ZNF777: variants seen among roughly 807,000 people sequenced by gnomAD.
The protein encoded by ZNF777 is zinc finger protein 777.
Under a neutral mutation model 72.1 loss-of-function variants are expected in ZNF777, and 7 were observed. The ratio of observed to expected loss-of-function variants is 0.10; its 90% CI spans 0.06 to 0.18. ZNF777 has a LOEUF of 0.18. ZNF777 is among the 10% of genes least tolerant of loss of function. ZNF777 has a pLI of 1.00. For synonymous variants in ZNF777, 545 were observed against 483.5 expected (o/e 1.13, Z -1.67); for missense variants, 828 against 1,128.6 (o/e 0.73, Z 3.82).
chr7:149,439,430 G>A (rs1000464735), intron 4 of ZNF777, among the ~76,000 whole-genome samples: 1 of 152,056 alleles, frequency 6.6e-6, no homozygotes, highest in African/African-American at 2.4e-5. Context: ...TGTAATTTCT[G>A]GAGTATTGTA....
chr7:149,440,444 CAACCTCCTGGCTCA>C (rs1423378184), intron 4 of ZNF777, among the ~76,000 whole-genome samples: 3 of 152,050 alleles, frequency 2.0e-5, no homozygotes, highest in Admixed American at 6.6e-5. Context: ...ACTGCAGCCT[CAACCTCCTGGCTCA>C]AACCACCTGC....
rs1799813894 is a variant in ZNF777 at position 149,455,692 on chromosome 7, C to A, written c.331G>T (p.Ala111Ser). The change falls in exon 2 of 6, where the codon GCT becomes TCT. Residue 111 changes from alanine (A) to serine (S), a missense_variant. By Grantham distance (99) the Ala-to-Ser change is moderately conservative. Around this residue, in one of 12 missense-constraint regions of ZNF777, gnomAD observed 222 missense variants for 211.2 expected, o/e 1.05. Transcript: ENST00000247930. This position sits in a 1 kb window ranked among gnomAD's most constrained non-coding sequence, Gnocchi z 4.2. ...GAGAGAAGGGAGACTTCTTGTTCAG[C>A]AGCAGCTGGGGGTGGATACTGGGTC... ...EGTQYPPPAAAEQEVSLLSHS... is the reference protein window; with the variant it reads ...EGTQYPPPAASEQEVSLLSHS... The A allele has an allele frequency of 6.4e-7, 1 of 1,568,044 alleles. No individual in the cohort carries two copies.
At position 149,431,947 on chromosome 7, in the gene ZNF777, C is replaced by T. The variant is rs373132545; in HGVS notation, c.2325G>A (p.Glu775=). ...CGCACTCGGCGCAGTGGTAGGGCCG[C>T]TCGCCTGTGTGGATGCGCCGGTGTT... The part of the protein sequence containing the change: ...LLEHRRIHTG[E]RPYHCAECGK... The change falls in exon 6 of 6, where the codon GAG becomes GAA. Residue 775 remains glutamate, a synonymous_variant. Coordinates refer to ENST00000247930, the MANE Select transcript of ZNF777 (RefSeq NM_015694.3). 4.3e-6 allele frequency: 7 copies of T among 1,610,772 alleles called. No individual in the cohort carries two copies. The highest frequency in any genetic ancestry group is 2.7e-5 in the African/African-American group (2 of 74,802).
chr7:149,452,244 A>C (rs1026342953), intron 3 of ZNF777, among the ~76,000 whole-genome samples: 2 of 150,256 alleles, frequency 1.3e-5, no homozygotes, highest in Non-Finnish European at 3.0e-5. Context: ...TAGCCTGGGC[A>C]ACAGAGCGAG....
Position 149,436,005 on chromosome 7 carries a change from A to T in ZNF777, c.1339+570T>A, listed in dbSNP as rs978145435. Among the ~76,000 whole-genome samples the T allele has an allele frequency of 6.6e-5, 10 of 152,250 alleles. No individual in the cohort carries two copies. Among genetic ancestry groups the T allele is most frequent in the African/African-American group, 2.2e-4 (9 of 41,466 alleles). On this transcript the variant is annotated intron_variant, in intron 5 of 5. Transcript: ENST00000247930. This position sits in a 1 kb window ranked among gnomAD's most constrained non-coding sequence, Gnocchi z 5.0. ...ATGGCTCAGCATCAGAAAATCCATC[A>T]CGAAAGATGTCCTGGGATCAGGCCA... is the stretch of plus-strand genomic sequence containing the variant.
chr7:149,458,495 A>C (rs1799876575), intron 1 of ZNF777, among the ~76,000 whole-genome samples: 1 of 146,430 alleles, frequency 6.8e-6, no homozygotes, highest in Non-Finnish European at 1.5e-5. Flanking sequence ...GGTTTAACTG[A>C]AACAATGAAA....
At position 149,432,289 on chromosome 7, in the gene ZNF777, C is replaced by T. The variant is rs1799322987; in HGVS notation, c.1983G>A (p.Glu661=). 6.2e-7 allele frequency: 1 copy of T among 1,610,468 alleles called. No individual in the cohort carries two copies. The highest frequency in any genetic ancestry group is 1.3e-5 in the African/African-American group (1 of 74,888). The change falls in exon 6 of 6, where the codon GAG becomes GAA. Residue 661 remains glutamate, a synonymous_variant. Transcript: ENST00000247930. ...TGCACTCGGGGCACGTGTAGGGCCG[C>T]TCACCCGTGTGCGTGATCTGGTGTT... The part of the protein sequence containing the change: ...LTKHQITHTG[E]RPYTCPECKK...
chr7:149,447,214 T>C (rs549280519), intron 4 of ZNF777, among the ~76,000 whole-genome samples: 2 of 152,336 alleles, frequency 1.3e-5, no homozygotes, highest in Non-Finnish European at 2.9e-5. Context: ...CTGCAGGGCA[T>C]GGCTTGTGTT....
chr7:149,454,258 G>A (rs776864211), intron 2 of ZNF777, 21 bp from the exon 3 acceptor site: 18 of 1,613,400 alleles, frequency 1.1e-5, no homozygotes, highest in Admixed American at 8.3e-5. Flanking sequence ...ACAATAACTC[G>A]GCTCAGACCC....
chr7:149,435,146 T>C (rs957723504), intron 5 of ZNF777, among the ~76,000 whole-genome samples: 10 of 152,156 alleles, frequency 6.6e-5, no homozygotes, highest in Admixed American at 2.6e-4. Context: ...ACCATGGAGT[T>C]ACTTAAAAAT....
chr7:149,448,762 G>A (rs1030668020), intron 4 of ZNF777, among the ~76,000 whole-genome samples: 1 of 151,882 alleles, frequency 6.6e-6, no homozygotes, highest in African/African-American at 2.4e-5. Context: ...CTTGCTAGGT[G>A]AAGATGGTGC....
intron 3 of ZNF777, 21 bp downstream of exon 3, chr7:149,454,090 C>T (rs999693687): frequency 3.7e-6 from 6 of 1,613,432 alleles, no homozygotes; most frequent in African/African-American, 1.3e-5. Flanking sequence ...CAGCCCCCAG[C>T]GAGCGAAGGC....
chr7:149,456,042 G>A lies in ZNF777; in HGVS notation c.-15-5C>T. The A allele has an allele frequency of 6.5e-7, 1 of 1,536,494 alleles. No homozygotes were observed. Among genetic ancestry groups the A allele is most frequent in the Non-Finnish European group, 8.8e-7 (1 of 1,142,148 alleles). Reference sequence around the variant, plus strand: ...CTCCATGTCCAGCTGCTGAACCTGTGTTCATGGAAGAAAGGAAAAGAGGAT... The same window carrying A: ...CTCCATGTCCAGCTGCTGAACCTGTATTCATGGAAGAAAGGAAAAGAGGAT... On this transcript the variant is annotated splice_region_variant and splice_polypyrimidine_tract_variant and intron_variant, in intron 1 of 5. Coordinates refer to ENST00000247930, the MANE Select transcript of ZNF777 (RefSeq NM_015694.3).
chr7:149,431,893 C>A lies in ZNF777; in HGVS notation c.2379G>T (p.Leu793=). 6.2e-7 allele frequency: 1 copy of A among 1,607,308 alleles called. No homozygotes were observed. Among genetic ancestry groups the A allele is most frequent in the Non-Finnish European group, 8.5e-7 (1 of 1,179,230 alleles). ...CCGTGTGCGCGCGCTGGTGCTCCAG[C>A]AGGTGATGCTTCTGCGTGAAGCGCT... The part of the protein sequence containing the change: ...CGKRFTQKHH[L]LEHQRAHTGE... Residue 793 remains leucine (L), a synonymous_variant, in exon 6 of 6, where the codon CTG becomes CTT. Transcript: ENST00000247930.
At chr7:149,458,863 G>C (rs944088533) in intron 1 of ZNF777, among the ~76,000 whole-genome samples, 1 of 152,192 alleles carries the variant, frequency 6.6e-6, no homozygotes, top group Non-Finnish European at 1.5e-5. Flanking sequence ...TCCTGGTAGG[G>C]GGTTGGAGGG....
Position 149,431,596 on chromosome 7 carries a change from A to T in ZNF777, c.*180T>A. The T allele has an allele frequency of 1.5e-6, 1 of 649,926 alleles. No homozygotes were observed. The highest frequency in any genetic ancestry group is 2.4e-6 in the Non-Finnish European group (1 of 414,092). The allele number at this position is 649,926 out of a possible 1,614,324, so 40.3% of individuals were successfully genotyped here. A position where few individuals can be genotyped will look rare whatever the true frequency, so the allele number is the denominator to read the frequency against. On this transcript the variant is annotated 3_prime_UTR_variant, in exon 6 of 6. Coordinates refer to ENST00000247930, the MANE Select transcript of ZNF777 (RefSeq NM_015694.3). ...CCTGGGGCCCCCGGGGAAACGCGGC[A>T]GCAAGGGACCTGGTCTCACTGCCCC... is the stretch of plus-strand genomic sequence containing the variant.
At chr7:149,444,196 C>T (rs1224780700) in intron 4 of ZNF777, among the ~76,000 whole-genome samples, 1 of 152,168 alleles carries the variant, frequency 6.6e-6, no homozygotes, top group South Asian at 2.1e-4. Flanking sequence ...TATAACTAAA[C>T]TCTGTAGTAT....
intron 4 of ZNF777, among the ~76,000 whole-genome samples, chr7:149,448,591 A>ATATAAC (rs1799658257): frequency 1.9e-4 from 18 of 96,680 alleles, no homozygotes; most frequent in African/African-American, 9.3e-4. Context: ...ATATATATAT[A>ATATAAC]TATATATATA....
intron 4 of ZNF777, 89 bp downstream of exon 4, chr7:149,450,910 C>A (rs1799700355): frequency 8.5e-7 from 1 of 1,181,438 alleles, no homozygotes; most frequent in South Asian, 1.4e-5. Flanking sequence ...CTGGCAGGGC[C>A]TACCTTGGAT....
Sources: allele counts gnomAD v4.1 joint callset (sites outside exome capture counted in the v4.1 genomes callset), GRCh38; gene constraint gnomAD v4.1.1; regional missense constraint gnomAD v4.1.1; non-coding constraint Gnocchi (gnomAD v3.1); transcripts MANE v1.5; gene names NCBI Gene and HGNC (gene_info 2026-07-23, HGNC 2026-07-21).